SMPDL3A: variants seen among roughly 807,000 people sequenced by gnomAD.
SMPDL3A encodes the protein sphingomyelin phosphodiesterase acid like 3A.
Under a neutral mutation model 38.5 loss-of-function variants are expected in SMPDL3A, and 39 were observed. The observed-to-expected ratio is 1.01, with a 90% CI of 0.78 to 1.32. The LOEUF (loss-of-function observed/expected upper bound fraction) is 1.32. Ranked by LOEUF, SMPDL3A falls within the 40% of genes most tolerant of loss-of-function variation. SMPDL3A has a pLI of 0.00. For missense variants in SMPDL3A, 502 were observed against 536.2 expected, an observed-to-expected ratio of 0.94 and a Z score of 0.63; for synonymous variants, 180 against 194.3, an observed-to-expected ratio of 0.93 and a Z score of 0.61.
chr6:122,808,601 C>CCCTCCCTT (rs1554248602), intron 7 of SMPDL3A, among the ~76,000 whole-genome samples: 19 of 53,170 alleles, frequency 3.6e-4, no homozygotes, highest in Non-Finnish European at 4.9e-4. Context: ...CTTCCTCCCT[C>CCCTCCCTT]CCTCCCTCCC....
chr6:122,795,745 G>A lies in SMPDL3A; in HGVS notation c.181G>A (p.Val61Met). The A allele has an allele frequency of 6.2e-7, 1 of 1,614,128 alleles. No individual in the cohort carries two copies. The highest frequency in any genetic ancestry group is 2.2e-5 in the East Asian group (1 of 44,876). Residue 61 changes from valine to methionine, a missense_variant, in exon 2 of 8, where the codon GTG (valine) becomes ATG (methionine). Transcript: ENST00000368440. The part of the protein sequence containing the change: ...TYHITDDHTK[V>M]CASSKGANAS... ...CCACATCACAGATGACCACACAAAA[G>A]TGTGTGCTTCATCTAAAGGTGCAAA...
intron 3 of SMPDL3A, 165 bp downstream of exon 3, chr6:122,797,133 G>A (rs1781275268): frequency 2.0e-6 from 1 of 497,224 alleles, no homozygotes; most frequent in Non-Finnish European, 3.5e-6. Flanking sequence ...GTACTTCGGG[G>A]ACTGTAAAAG....
At position 122,809,108 on chromosome 6, in the gene SMPDL3A, C is replaced by G; in HGVS notation, c.1062C>G (p.Tyr354Ter). Residue 354 changes from tyrosine (Y) to a stop codon, truncating the protein, a stop_gained, in exon 8 of 8, where the codon TAC (tyrosine) becomes TAG (stop). Coordinates refer to ENST00000368440, the MANE Select transcript of SMPDL3A (RefSeq NM_006714.5). LOFTEE classifies it low-confidence loss of function (END_TRUNC). ...DYKLLDMLQY[Y>*]LNLTEANLKG... ...AACTGCAGGATATGTTGCAGTATTA[C>G]TTGAATCTGACAGAGGCGAATCTAA... The G allele has an allele frequency of 6.2e-7, 1 of 1,613,948 alleles. No homozygotes were observed. The highest frequency in any genetic ancestry group is 8.5e-7 in the Non-Finnish European group (1 of 1,179,876).
At chr6:122,807,448 G>A (rs993792068) in intron 7 of SMPDL3A, among the ~76,000 whole-genome samples, 2 of 152,122 alleles carry the variant, frequency 1.3e-5, no homozygotes, top group Non-Finnish European at 2.9e-5. Flanking sequence ...GCAGTGAGCC[G>A]AGATTGCGCC....
At chr6:122,806,477 G>T in intron 7 of SMPDL3A, 120 bp downstream of exon 7, 3 of 994,072 alleles carry the variant, frequency 3.0e-6, no homozygotes, top group Non-Finnish European at 2.9e-6. Context: ...GAAATCTCCT[G>T]GCATCCTTCT....
intron 3 of SMPDL3A, 68 bp from the exon 4 acceptor site, chr6:122,801,242 G>T: frequency 9.3e-7 from 1 of 1,079,754 alleles, no homozygotes. Flanking sequence ...CAGTGCTCAA[G>T]TAGTGTTTAC....
intron 3 of SMPDL3A, among the ~76,000 whole-genome samples, chr6:122,798,467 C>G (rs1227295321): frequency 1.3e-5 from 2 of 152,190 alleles, no homozygotes; most frequent in African/African-American, 2.4e-5. Context: ...CTCTCCGCCA[C>G]CACACCTCCC....
chr6:122,791,230 C>T (rs1339314423), intron 1 of SMPDL3A, among the ~76,000 whole-genome samples: 1 of 152,110 alleles, frequency 6.6e-6, no homozygotes, highest in Non-Finnish European at 1.5e-5. Context: ...GGTCGGACGA[C>T]AGAAGTTCTA....
intron 3 of SMPDL3A, among the ~76,000 whole-genome samples, chr6:122,800,265 G>A (rs985422307): frequency 6.6e-6 from 1 of 152,274 alleles, no homozygotes. Context: ...TACTTAAAAT[G>A]TGTTATTTAA....
chr6:122,800,987 G>A (rs1401323026), intron 3 of SMPDL3A, among the ~76,000 whole-genome samples: 2 of 152,182 alleles, frequency 1.3e-5, no homozygotes, highest in East Asian at 3.9e-4. Context: ...CTGACCTCAA[G>A]TGATCCGCCT....
intron 4 of SMPDL3A, 58 bp from the exon 5 acceptor site, chr6:122,803,606 A>G (rs1338969458): frequency 1.5e-5 from 21 of 1,369,150 alleles, no homozygotes; most frequent in African/African-American, 7.2e-5. Flanking sequence ...ATTTGCTTTC[A>G]CAATGTTTGT....
In SMPDL3A at chr6:122,803,730, T is replaced by C; in HGVS notation, c.635T>C (p.Leu212Ser). The change falls in exon 5 of 8, where the codon TTG becomes TCG. Residue 212 changes from leucine to serine, a missense_variant. By Grantham distance (145) the Leu-to-Ser change is moderately radical (BLOSUM62 -2). Transcript: ENST00000368440. The stretch of plus-strand genomic sequence containing the variant: ...AGGATCATCAGTCTAAACACAAACT[T>C]GTACTACGGCCCAAATATAATGACA... ...NLRIISLNTN[L>S]YYGPNIMTLN... 6.2e-7 allele frequency: 1 copy of C among 1,614,062 alleles called. No homozygotes were observed. The highest frequency in any genetic ancestry group is 8.5e-7 in the Non-Finnish European group (1 of 1,179,954).
chr6:122,791,677 A>T (rs12528548), intron 1 of SMPDL3A, among the ~76,000 whole-genome samples: 3,710 of 152,092 alleles, frequency 0.024, 298 homozygotes, highest in Admixed American at 0.17. Flanking sequence ...AGTCTTTTTA[A>T]AAATTTATTT....
intron 1 of SMPDL3A, among the ~76,000 whole-genome samples, chr6:122,791,360 A>G (rs1028353937): frequency 1.3e-5 from 2 of 152,148 alleles, no homozygotes; most frequent in African/African-American, 2.4e-5. Flanking sequence ...CCTTACTTCT[A>G]TATTTGAATC....
In SMPDL3A at chr6:122,803,757, T is replaced by G; in HGVS notation, c.662T>G (p.Leu221Arg). The G allele has an allele frequency of 1.2e-6, 2 of 1,613,906 alleles. No homozygotes were observed. Among genetic ancestry groups the G allele is most frequent in the Non-Finnish European group, 1.7e-6 (2 of 1,179,918 alleles). Residue 221 changes from leucine (L) to arginine (R), a missense_variant, in exon 5 of 8, where the codon CTG becomes CGG. Physicochemically the swap from Leu to Arg is moderately radical, Grantham distance 102 (BLOSUM62 -2). Coordinates refer to ENST00000368440, the MANE Select transcript of SMPDL3A (RefSeq NM_006714.5). ...NLYYGPNIMT[L>R]NKTDPANQFE... ...TACTACGGCCCAAATATAATGACAC[T>G]GAACAAGACTGACCCAGCCAACCAG...
intron 7 of SMPDL3A, among the ~76,000 whole-genome samples, chr6:122,808,632 T>TTCCTTCCTTCCC (rs1781734673): frequency 2.4e-5 from 2 of 82,420 alleles, no homozygotes; most frequent in African/African-American, 1.2e-4. Flanking sequence ...CCTTCCTTCC[T>TTCCTTCCTTCCC]TCCTTCCTTC....
Position 122,809,527 on chromosome 6 carries a change from TC to T in SMPDL3A, c.*120del. On this transcript the variant is annotated 3_prime_UTR_variant, in exon 8 of 8. Coordinates refer to ENST00000368440, the MANE Select transcript of SMPDL3A (RefSeq NM_006714.5). ...GCAAGTAGACTTCCTGTCTTTGCTT[TC>T]TTTTTTTTTTTCTTTTTGATGCCTT... 1 of 704,508 alleles carries T rather than the reference TC, an allele frequency of 1.4e-6. No homozygotes were observed. Among genetic ancestry groups the T allele is most frequent in the African/African-American group, 1.9e-5 (1 of 51,674 alleles). The allele number at this position is 704,508 out of a possible 1,614,324, so 43.6% of individuals were successfully genotyped here.
chr6:122,803,851 A>G lies in SMPDL3A; in HGVS notation c.738+18A>G. 2 of 1,607,396 alleles carry G rather than the reference A, an allele frequency of 1.2e-6. No homozygotes were observed. Among genetic ancestry groups the G allele is most frequent in the East Asian group, 2.2e-5 (1 of 44,800 alleles). On this transcript the variant is annotated intron_variant, in intron 5 of 7. Coordinates refer to ENST00000368440, the MANE Select transcript of SMPDL3A (RefSeq NM_006714.5). ...AGGAGAAGGTAGATCCCATAGACCAAAACCATCTGGGAATAAACGGAAGGC... is the reference window on the plus strand; with the variant it reads ...AGGAGAAGGTAGATCCCATAGACCAGAACCATCTGGGAATAAACGGAAGGC...
intron 1 of SMPDL3A, chr6:122,789,802 C>T: frequency 2.0e-6 from 2 of 982,598 alleles, no homozygotes; most frequent in Non-Finnish European, 1.2e-6. Context: ...GGAAAAGCTG[C>T]GGGACTCAAG....
Sources: allele counts gnomAD v4.1 joint callset (sites outside exome capture counted in the v4.1 genomes callset), GRCh38; gene constraint gnomAD v4.1.1; transcripts MANE v1.5; gene names NCBI Gene and HGNC (gene_info 2026-07-23, HGNC 2026-07-21).